RADIL: variants seen among roughly 807,000 people sequenced by gnomAD.
The protein encoded by RADIL is Rap associating with DIL domain.
RADIL carries 99 observed loss-of-function variants against 97.6 expected under a neutral mutation model. The ratio of observed to expected loss-of-function variants is 1.01; its 90% CI spans 0.86 to 1.20. The LOEUF (loss-of-function observed/expected upper bound fraction) is 1.20. Ranked by LOEUF, RADIL falls within the 50% of genes most tolerant of loss-of-function variation. The pLI, the probability that RADIL is intolerant of heterozygous loss-of-function variation, is 0.00. For synonymous variants in RADIL, 803 were observed against 691.8 expected (o/e 1.16, Z -2.52); for missense variants, 1,765 against 1,498.9 (o/e 1.18, Z -2.93).
intron 2 of RADIL, among the ~76,000 whole-genome samples, chr7:4,845,195 G>C (rs910360238): frequency 6.6e-6 from 1 of 152,188 alleles, no homozygotes; most frequent in African/African-American, 2.4e-5. Context: ...TGAGGCGGGA[G>C]GATCACTTGA....
intron 9 of RADIL, 139 bp from the exon 10 acceptor site, chr7:4,805,855 G>GGTATT: frequency 7.2e-7 from 1 of 1,397,184 alleles, no homozygotes. Context: ...GGCCATCTGT[G>GGTATT]AGGGGGACGG....
Position 4,824,174 on chromosome 7 carries a change from G to A in RADIL, c.1455-1620C>T, listed in dbSNP as rs897320553. Among the ~76,000 whole-genome samples, 11 of 152,204 alleles carry A rather than the reference G, an allele frequency of 7.2e-5. No individual in the cohort carries two copies. Among genetic ancestry groups the A allele is most frequent in the African/African-American group, 1.7e-4 (7 of 41,450 alleles). ...CTGCTGCCTGCCCCATGGCTGGCCC[G>A]GGTACCCCTTGTCACCTGTGTCCCT... On this transcript the variant is annotated intron_variant, in intron 5 of 14. Transcript: ENST00000399583. This position sits in a 1 kb window ranked among gnomAD's most constrained non-coding sequence, Gnocchi z 6.7.
intron 9 of RADIL, chr7:4,809,274 C>A (rs55728141): frequency 0.12 from 122,690 of 985,114 alleles, 8,610 homozygotes; most frequent in African/African-American, 0.26. Context: ...GAGGCCGGGG[C>A]CCCCCTTCCA....
At chr7:4,857,035 C>T (rs1783850478) in intron 2 of RADIL, among the ~76,000 whole-genome samples, 1 of 152,188 alleles carries the variant, frequency 6.6e-6, no homozygotes, top group Non-Finnish European at 1.5e-5. Context: ...AACTGTTTCC[C>T]TTCTATTTTT....
rs1783309728 is a variant in RADIL at position 4,836,673 on chromosome 7, C to T, written c.536-68G>A. 3.2e-6 allele frequency: 5 copies of T among 1,587,130 alleles called. No individual in the cohort carries two copies. The Admixed American group carries it at 6.9e-5, about 22-fold the overall frequency. ...AGCACCAGGACTGGGCGCGGTGGCT[C>T]ACCCCTGTAATCCCAGCACTTTGGG... On this transcript the variant is annotated intron_variant, in intron 2 of 14. Coordinates refer to ENST00000399583, the MANE Select transcript of RADIL (RefSeq NM_018059.5).
At chr7:4,806,100 A>C in intron 9 of RADIL, 2 of 946,076 alleles carry the variant, frequency 2.1e-6, no homozygotes, top group East Asian at 1.2e-4. Flanking sequence ...ACCTGCCTGG[A>C]AGGCAGGGAC....
At chr7:4,836,307 T>G (rs1783297232) in intron 3 of RADIL, 51 bp downstream of exon 3, 2 of 1,552,110 alleles carry the variant, frequency 1.3e-6, no homozygotes, top group Non-Finnish European at 1.7e-6. Context: ...GAGTCCCGCC[T>G]GCTGTCCCTG....
chr7:4,852,248 C>G (rs1783726955), intron 2 of RADIL, among the ~76,000 whole-genome samples: 1 of 152,138 alleles, frequency 6.6e-6, no homozygotes, highest in Non-Finnish European at 1.5e-5. Flanking sequence ...ATGCTACCGT[C>G]CATGCAGAGG....
chr7:4,862,855 C>T (rs1311349746), intron 2 of RADIL, among the ~76,000 whole-genome samples: 1 of 151,716 alleles, frequency 6.6e-6, no homozygotes, highest in Non-Finnish European at 1.5e-5. Context: ...CAAGATCACA[C>T]CATTGCACTC....
chr7:4,800,137 T>C (rs576251793), intron 13 of RADIL, 34 bp downstream of exon 13: 40 of 1,557,458 alleles, frequency 2.6e-5, no homozygotes, highest in East Asian at 9.1e-5. Context: ...AGGCAGCCAG[T>C]ATGGGGGTGC....
rs376112972 is a variant in RADIL, at chr7:4,875,349, T to C, written c.535+2256A>G. ...CAGAGGTTGCAGTGAGCTGAGATCATGCCATTGCACTCCAGCCTGGGCGAC... is the reference window on the plus strand; with the variant it reads ...CAGAGGTTGCAGTGAGCTGAGATCACGCCATTGCACTCCAGCCTGGGCGAC... On this transcript the variant is annotated intron_variant, in intron 2 of 14. Coordinates refer to ENST00000399583, the MANE Select transcript of RADIL (RefSeq NM_018059.5). Among the ~76,000 whole-genome samples the C allele has an allele frequency of 3.7e-3, 558 of 151,372 alleles. 2 individuals are homozygous for C. Among genetic ancestry groups the C allele is most frequent in the African/African-American group, 0.011 (457 of 41,138 alleles).
Position 4,878,025 on chromosome 7 carries a change from G to T in RADIL, c.115C>A (p.Leu39Met), listed in dbSNP as rs1346429508. Residue 39 changes from leucine to methionine, a missense_variant, in exon 2 of 15, where the codon CTG (leucine) becomes ATG (methionine). Coordinates refer to ENST00000399583, the MANE Select transcript of RADIL (RefSeq NM_018059.5). The surrounding 1 kb of genome is among the most constrained non-coding windows in gnomAD (Gnocchi z 4.1). ...SRTLSYKYRD[L>M]DSTFSSLGAS... is the part of the protein sequence containing the mutation. ...CCCAGGCTGGAGAAGGTGGAGTCCA[G>T]GTCCCGGTACTTGTAGCTCAGCGTC... 6.2e-7 allele frequency: 1 copy of T among 1,610,056 alleles called. No homozygotes were observed.
In RADIL at chr7:4,837,998, C is replaced by A. The variant is rs1255145729; in HGVS notation, c.536-1393G>T. On this transcript the variant is annotated intron_variant, in intron 2 of 14. Coordinates refer to ENST00000399583, the MANE Select transcript of RADIL (RefSeq NM_018059.5). This position sits in a 1 kb window ranked among gnomAD's most constrained non-coding sequence, Gnocchi z 5.6. ...GGAGGCGTCAGCTGGCTGAGGAAGA[C>A]CCTTACCAGCGCCAGCAGCCCCGCC... 1.0e-6 allele frequency: 1 copy of A among 985,306 alleles called. No individual in the cohort carries two copies. The highest frequency in any genetic ancestry group is 6.1e-5 in the Admixed American group (1 of 16,272). The allele number at this position is 985,306 out of a possible 1,614,324, so 61.0% of individuals were successfully genotyped here.
intron 2 of RADIL, among the ~76,000 whole-genome samples, chr7:4,874,271 G>A (rs144325101): frequency 2.6e-5 from 4 of 152,384 alleles, no homozygotes; most frequent in East Asian, 1.9e-4. Context: ...ACACTCTAGC[G>A]CAAAGCTTCT....
rs549155667 is a variant in RADIL at position 4,821,483 on chromosome 7, C to A, written c.1615+911G>T. ...CCCGGCTTCCGGGCCCGGCCCCATG[C>A]CACCTTCCTCTCGAAGCCCCCTAGA... On this transcript the variant is annotated intron_variant, in intron 6 of 14. Transcript: ENST00000399583. The surrounding 1 kb of genome is among the most constrained non-coding windows in gnomAD (Gnocchi z 5.2). Among the ~76,000 whole-genome samples the A allele has an allele frequency of 1.8e-4, 28 of 152,354 alleles. No homozygotes were observed. The highest frequency in any genetic ancestry group is 3.4e-4 in the Non-Finnish European group (23 of 68,032).
intron 2 of RADIL, among the ~76,000 whole-genome samples, chr7:4,870,108 C>T (rs1337022924): frequency 6.6e-6 from 1 of 152,234 alleles, no homozygotes; most frequent in East Asian, 1.9e-4. Context: ...CCACTGCACG[C>T]TAGCCTGGGC....
At chr7:4,807,477 TTCTCCCCCTCCCTCTGTCTGTCTCC>T (rs1469150208) in intron 9 of RADIL, among the ~76,000 whole-genome samples, 1 of 150,576 alleles carries the variant, frequency 6.6e-6, no homozygotes. Context: ...TTCCCTCTCC[TTCTCCCCCTCCCTCTGTCTGTCTCC>T]TCTCCCTCCT....
At chr7:4,809,174 G>A (rs1335434296) in intron 9 of RADIL, 10 of 985,170 alleles carry the variant, frequency 1.0e-5, no homozygotes, top group Non-Finnish European at 1.1e-5. Flanking sequence ...GACCCCTGGC[G>A]CTGTCCCCCG....
chr7:4,877,627 C>T lies in RADIL; in HGVS notation c.513G>A (p.Lys171=). 1.2e-6 allele frequency: 2 copies of T among 1,606,082 alleles called. No homozygotes were observed. The highest frequency in any genetic ancestry group is 8.5e-7 in the Non-Finnish European group (1 of 1,176,294). The part of the protein sequence containing the change: ...KRSDVEELAA[K]EVDTITAGIN... ...CACCTGCCGTGATGGTGTCCACCTC[C>T]TTGGCTGCCAGCTCCTCCACGTCCG... Residue 171 remains lysine, a synonymous_variant, in exon 2 of 15, where the codon AAG becomes AAA. Transcript: ENST00000399583.
Sources: gnomAD v4.1 joint callset for allele counts (sites outside exome capture counted in the v4.1 genomes callset) on GRCh38, gnomAD v4.1.1 for gene constraint, Gnocchi (gnomAD v3.1) non-coding constraint, MANE v1.5 for transcripts, NCBI Gene and HGNC (gene_info 2026-07-23, HGNC 2026-07-21) for gene names.